The following WDR49 variants were observed in gnomAD, a reference collection of about 807,000 sequenced individuals.
WDR49 encodes WD repeat domain 49, also known as cilia- and flagella-associated protein 337.
WDR49 carries 107 observed loss-of-function variants against 119.5 expected under a neutral mutation model. The ratio of observed to expected loss-of-function variants is 0.90; its 90% CI spans 0.77 to 1.05. The LOEUF is 1.05. WDR49 is among the 50% of genes least tolerant of loss of function. The probability of loss-of-function intolerance (pLI) is 0.00; values close to 1 mark genes in which losing one functional copy is unlikely to be tolerated. For missense variants in WDR49, 1,240 were observed against 1,220.5 expected (o/e 1.02, Z -0.24); for synonymous variants, 425 against 418.8 (o/e 1.01, Z -0.18).
intron 13 of WDR49, among the ~76,000 whole-genome samples, chr3:167,529,578 T>C (rs1752771643): frequency 6.6e-6 from 1 of 152,116 alleles, no homozygotes; most frequent in Non-Finnish European, 1.5e-5. Context: ...TCCAACATTA[T>C]GATAATATTC....
intron 18 of WDR49, among the ~76,000 whole-genome samples, chr3:167,497,216 A>C (rs1345850002): frequency 1.3e-5 from 2 of 152,200 alleles, no homozygotes; most frequent in East Asian, 3.9e-4. Flanking sequence ...TCTCGCAAGT[A>C]GTCATCAATA....
chr3:167,604,575 A>G, intron 5 of WDR49, 107 bp from the exon 6 acceptor site: 1 of 1,128,344 alleles, frequency 8.9e-7, no homozygotes, highest in Non-Finnish European at 1.2e-6. Flanking sequence ...AACTCAAACT[A>G]TGATGATACA....
chr3:167,547,155 T>G (rs1375124023), intron 10 of WDR49, among the ~76,000 whole-genome samples: 2 of 151,850 alleles, frequency 1.3e-5, no homozygotes, highest in African/African-American at 4.8e-5. Context: ...GGAAACCAAT[T>G]GAGTCATACA....
At chr3:167,600,493 G>A (rs937419398) in intron 7 of WDR49, among the ~76,000 whole-genome samples, 11 of 152,120 alleles carry the variant, frequency 7.2e-5, no homozygotes, top group African/African-American at 2.7e-4. Context: ...TTCTTATGAA[G>A]GTGTTTTTGT....
intron 8 of WDR49, among the ~76,000 whole-genome samples, chr3:167,563,910 G>A (rs1474387157): frequency 1.3e-5 from 2 of 152,116 alleles, no homozygotes; most frequent in African/African-American, 2.4e-5. Context: ...AGCCATTTCA[G>A]TACCAAAAGA....
intron 18 of WDR49, among the ~76,000 whole-genome samples, chr3:167,496,073 A>G (rs76433847): frequency 0.02 from 2,968 of 152,188 alleles, 99 homozygotes; most frequent in African/African-American, 0.065. Flanking sequence ...CTGAAGGAAA[A>G]TGGTCTCAGA....
At chr3:167,534,096 G>A (rs918384839) in intron 11 of WDR49, among the ~76,000 whole-genome samples, 2 of 152,022 alleles carry the variant, frequency 1.3e-5, no homozygotes, top group Non-Finnish European at 2.9e-5. Context: ...TAGGGAGGCT[G>A]AGGCAGCAGA....
chr3:167,600,473 A>AT (rs764955759), intron 7 of WDR49, among the ~76,000 whole-genome samples: 14 of 152,076 alleles, frequency 9.2e-5, no homozygotes, highest in Non-Finnish European at 1.8e-4. Flanking sequence ...TGCTCACCTG[A>AT]TTTTTTTGGT....
intron 18 of WDR49, among the ~76,000 whole-genome samples, chr3:167,492,070 G>A (rs1056846376): frequency 5.6e-4 from 85 of 151,422 alleles, no homozygotes; most frequent in African/African-American, 1.6e-3. Flanking sequence ...GCAGCAAAGT[G>A]GAAAAAATGC....
chr3:167,616,370 C>T (rs562658477), intron 5 of WDR49, among the ~76,000 whole-genome samples: 12 of 152,248 alleles, frequency 7.9e-5, no homozygotes, highest in African/African-American at 2.6e-4. Flanking sequence ...ATATTAGCAA[C>T]AATATTTCAG....
chr3:167,630,137 T>C (rs1717304052), intron 2 of WDR49, among the ~76,000 whole-genome samples: 1 of 152,052 alleles, frequency 6.6e-6, no homozygotes, highest in African/African-American at 2.4e-5. Flanking sequence ...AAAGGAAGAA[T>C]CCATCAATGT....
intron 2 of WDR49, among the ~76,000 whole-genome samples, chr3:167,632,908 C>T (rs2108332296): frequency 6.6e-6 from 1 of 152,068 alleles, no homozygotes; most frequent in Non-Finnish European, 1.5e-5. Context: ...ATTCCTAGTG[C>T]TGTTATGAGG....
intron 13 of WDR49, among the ~76,000 whole-genome samples, chr3:167,529,456 T>A (rs1752767103): frequency 6.6e-6 from 1 of 152,138 alleles, no homozygotes; most frequent in Admixed American, 6.6e-5. Flanking sequence ...GATAGGATAT[T>A]GAAGTGTTCC....
At chr3:167,566,667 C>T (rs1713617923) in intron 8 of WDR49, among the ~76,000 whole-genome samples, 1 of 152,068 alleles carries the variant, frequency 6.6e-6, no homozygotes, top group African/African-American at 2.4e-5. Context: ...AACTTAAGTA[C>T]TCATATTCTA....
chr3:167,513,786 C>G lies in WDR49; in HGVS notation c.2775-8370G>C, dbSNP rs549488160. On this transcript the variant is annotated intron_variant, in intron 16 of 18. Coordinates refer to ENST00000682715, the MANE Select transcript of WDR49 (RefSeq NM_001366157.1). ...GAAATTTTACCAAGCAAATGGAAAG[C>G]AGAAAAAATGCAGGGGTTGCAATCC... Among the ~76,000 whole-genome samples the G allele has an allele frequency of 3.9e-5, 6 of 152,032 alleles. No homozygotes were observed. In the South Asian group the frequency reaches 1.2e-3, roughly 32 times the overall value.
rs2108183100 is a variant in WDR49 at position 167,478,976 on chromosome 3, C to A, written c.3052G>T (p.Glu1018Ter). The A allele has an allele frequency of 6.2e-7, 1 of 1,607,340 alleles. No homozygotes were observed. Reference sequence around the variant, plus strand: ...ATTTCCTTGGGAAACAGGTTTTTCTCATCAAATACAGCTTTCAAAGCTACA... The same window carrying A: ...ATTTCCTTGGGAAACAGGTTTTTCTAATCAAATACAGCTTTCAAAGCTACA... ...LFKTLKAVFDEKNLFPKEILH... is the reference protein window; with the variant it reads ...LFKTLKAVFD Residue 1018 changes from glutamate to a stop codon, truncating the protein, a stop_gained, in exon 19 of 19, where the codon GAG (glutamate) becomes TAG (stop). Transcript: ENST00000682715. LOFTEE classifies it high-confidence loss of function.
At position 167,532,972 on chromosome 3, in the gene WDR49, A is replaced by G; in HGVS notation, c.1960T>C (p.Tyr654His). 1 of 1,599,684 alleles carries G rather than the reference A, an allele frequency of 6.3e-7. No individual in the cohort carries two copies. The highest frequency in any genetic ancestry group is 8.5e-7 in the Non-Finnish European group (1 of 1,169,704). The stretch of plus-strand genomic sequence containing the variant: ...TTCCATAGAACAATTTCTCCATCAT[A>G]ACTCCCTACACAAGACAGGATGGAG... ...LPPQTLVTGS[Y>H]DGEIVLWNNS... The change falls in exon 12 of 19, where the codon TAT becomes CAT. Residue 654 changes from tyrosine (Y) to histidine (H), a missense_variant. By Grantham distance (83) the Tyr-to-His change is moderately conservative. Transcript: ENST00000682715.
rs1752479433 is a variant in WDR49 at position 167,522,306 on chromosome 3, A to AT, written c.2774+8dup. On this transcript the variant is annotated intron_variant, in intron 16 of 18. Transcript: ENST00000682715. The stretch of plus-strand genomic sequence containing the variant: ...AGTTGACATCTGGCTAATGTTCAAA[A>AT]TTACTTACTTGTATGTTGAGTCATC... 6 of 1,568,894 alleles carry AT rather than the reference A, an allele frequency of 3.8e-6. No individual in the cohort carries two copies. In the East Asian group the frequency reaches 1.4e-4, roughly 36 times the overall value.
In WDR49 at chr3:167,532,935, T is replaced by A. The variant is rs751224625; in HGVS notation, c.1997A>T (p.Glu666Val). 3 of 1,609,932 alleles carry A rather than the reference T, an allele frequency of 1.9e-6. No individual in the cohort carries two copies. The South Asian group carries it at 3.3e-5, about 18-fold the overall frequency. The change falls in exon 12 of 19, where the codon GAG becomes GTG. Residue 666 changes from glutamate to valine, a missense_variant. Physicochemically the swap from Glu to Val is moderately radical, Grantham distance 121. Transcript: ENST00000682715. The stretch of plus-strand genomic sequence containing the variant: ...AGGGTGAAGAACATGGTGAGCATTC[T>A]CTGTGCTATTGTTCCATAGAACAAT... ...GEIVLWNNSTENAHHVLHPDY... is the reference protein window; with the variant it reads ...GEIVLWNNSTVNAHHVLHPDY...
Sources: allele counts gnomAD v4.1 joint callset (sites outside exome capture counted in the v4.1 genomes callset), GRCh38; gene constraint gnomAD v4.1.1; transcripts MANE v1.5; gene names NCBI Gene and HGNC (gene_info 2026-07-23, HGNC 2026-07-21).